The following EYS variants were observed in gnomAD, a reference collection of about 807,000 sequenced individuals.
EYS encodes the protein EGF-like photoreceptor maintenance factor.
In EYS, 250 loss-of-function variants were observed where a neutral mutation model predicts 282.1. That is an observed-to-expected ratio of 0.89 (90% CI 0.80 to 0.98). EYS has a LOEUF of 0.98. EYS is among the 50% of genes least tolerant of loss of function. EYS has a pLI of 0.00. For missense variants in EYS, 4,016 were observed against 3,709.0 expected (o/e 1.08, Z -2.15); for synonymous variants, 1,355 against 1,282.9 (o/e 1.06, Z -1.20).
intron 28 of EYS, among the ~76,000 whole-genome samples, chr6:64,392,616 G>A (rs1367014930): frequency 2.0e-4 from 30 of 151,064 alleles, no homozygotes; most frequent in African/African-American, 4.6e-4. Flanking sequence ...TCTCTGGGAC[G>A]CATTCAAAGC....
intron 5 of EYS, among the ~76,000 whole-genome samples, chr6:65,473,795 T>C (rs1277032818): frequency 6.9e-6 from 1 of 144,336 alleles, no homozygotes; most frequent in Non-Finnish European, 1.5e-5. Flanking sequence ...TCCCAGCAAA[T>C]AAAATTTCCT....
chr6:65,081,214 A>G (rs1328522499), intron 12 of EYS, among the ~76,000 whole-genome samples: 1 of 152,072 alleles, frequency 6.6e-6, no homozygotes, highest in African/African-American at 2.4e-5. Flanking sequence ...TACTGAAATG[A>G]CCATTTTCTA....
At chr6:64,953,246 T>C (rs566383746) in intron 14 of EYS, among the ~76,000 whole-genome samples, 22 of 151,926 alleles carry the variant, frequency 1.4e-4, no homozygotes, top group Non-Finnish European at 2.2e-4. Flanking sequence ...TGTGAAACTT[T>C]CTATTAGATT....
At chr6:64,063,754 G>A (rs955935324) in intron 33 of EYS, among the ~76,000 whole-genome samples, 2 of 152,012 alleles carry the variant, frequency 1.3e-5, no homozygotes, top group Admixed American at 1.3e-4. Context: ...GATTGATTGA[G>A]TCTTGCTCTG....
At chr6:65,640,092 T>G (rs1328318878) in intron 1 of EYS, among the ~76,000 whole-genome samples, 200 bp from the exon 2 acceptor site, 2 of 152,158 alleles carry the variant, frequency 1.3e-5, no homozygotes, top group African/African-American at 4.8e-5. Context: ...AAATGGGCAG[T>G]ATACCTGTAA....
At chr6:65,174,213 A>G (rs1765174801) in intron 12 of EYS, among the ~76,000 whole-genome samples, 1 of 151,288 alleles carries the variant, frequency 6.6e-6, no homozygotes, top group Non-Finnish European at 1.5e-5. Flanking sequence ...AGGCTGTGAA[A>G]GAGAACATAA....
intron 28 of EYS, among the ~76,000 whole-genome samples, chr6:64,417,711 C>T (rs1774101910): frequency 1.5e-5 from 2 of 131,168 alleles, no homozygotes; most frequent in Non-Finnish European, 3.1e-5. Flanking sequence ...CACTGTGTTG[C>T]CCAGGCTGGA....
At chr6:64,833,863 G>T (rs1189085648) in intron 19 of EYS, among the ~76,000 whole-genome samples, 2 of 151,844 alleles carry the variant, frequency 1.3e-5, no homozygotes, top group African/African-American at 4.8e-5. Flanking sequence ...ACAGAATCCT[G>T]GGGCTTTGAA....
intron 12 of EYS, among the ~76,000 whole-genome samples, chr6:65,247,639 GC>G (rs1432580929): frequency 6.6e-6 from 1 of 151,956 alleles, no homozygotes; most frequent in Non-Finnish European, 1.5e-5. Flanking sequence ...ATCTCACTAT[GC>G]ATTCTAACCT....
chr6:65,593,624 C>T (rs1022925016), intron 2 of EYS, among the ~76,000 whole-genome samples: 3 of 151,870 alleles, frequency 2.0e-5, no homozygotes, highest in African/African-American at 7.2e-5. Context: ...GGTAAGAAAC[C>T]TAAACAAATA....
chr6:63,984,082 T>TA (rs1414131626), intron 35 of EYS, among the ~76,000 whole-genome samples: 1 of 151,770 alleles, frequency 6.6e-6, no homozygotes, highest in African/African-American at 2.4e-5. Flanking sequence ...CATTCATATT[T>TA]ACAAGAAGCT....
At chr6:64,572,126 C>T (rs959572117) in intron 26 of EYS, among the ~76,000 whole-genome samples, 1 of 152,078 alleles carries the variant, frequency 6.6e-6, no homozygotes, top group African/African-American at 2.4e-5. Context: ...TCAACATATG[C>T]AAATCAAAAA....
intron 2 of EYS, among the ~76,000 whole-genome samples, chr6:65,592,188 C>A (rs1030294531): frequency 2.6e-5 from 4 of 151,810 alleles, no homozygotes; most frequent in African/African-American, 7.3e-5. Flanking sequence ...AAAAAATGAA[C>A]ATTTTCATAA....
chr6:64,965,238 C>T (rs1215566397), intron 14 of EYS, among the ~76,000 whole-genome samples: 10 of 151,740 alleles, frequency 6.6e-5, no homozygotes, highest in African/African-American at 1.7e-4. Context: ...AATACTTTAG[C>T]GAACAGAATT....
intron 35 of EYS, among the ~76,000 whole-genome samples, chr6:63,894,430 G>C (rs1379935604): frequency 1.3e-5 from 2 of 152,118 alleles, no homozygotes; most frequent in Non-Finnish European, 2.9e-5. Context: ...GGAACACTGA[G>C]GATGCCAGCA....
chr6:64,110,140 C>T (rs186051653), intron 31 of EYS, among the ~76,000 whole-genome samples: 16 of 151,732 alleles, frequency 1.1e-4, no homozygotes, highest in Admixed American at 2.0e-4. Context: ...TGGTGATTAA[C>T]GATATTTTGT....
chr6:65,188,962 G>T, intron 12 of EYS, among the ~76,000 whole-genome samples: 1 of 151,420 alleles, frequency 6.6e-6, no homozygotes, highest in East Asian at 2.0e-4. Flanking sequence ...TAAGGAATTT[G>T]TGTAGTTTTA....
intron 5 of EYS, among the ~76,000 whole-genome samples, chr6:65,415,124 A>G (rs1026287261): frequency 5.4e-4 from 82 of 152,304 alleles, no homozygotes; most frequent in African/African-American, 1.9e-3. Flanking sequence ...ATGGCGATTT[A>G]ATAAACATTA....
At chr6:65,318,147 G>T (rs1020221554) in intron 11 of EYS, among the ~76,000 whole-genome samples, 5 of 147,794 alleles carry the variant, frequency 3.4e-5, no homozygotes, top group Non-Finnish European at 5.9e-5. Flanking sequence ...GATTACATGC[G>T]TGAGCCACCG....
Sources: allele counts gnomAD v4.1 joint callset (sites outside exome capture counted in the v4.1 genomes callset), GRCh38; gene constraint gnomAD v4.1.1; transcripts MANE v1.5; gene names NCBI Gene and HGNC (gene_info 2026-07-23, HGNC 2026-07-21).